Variants in SPIRE1 observed in about 807,000 individuals in gnomAD.
SPIRE1 encodes spire type actin nucleation factor 1, also known as protein spire homolog 1.
SPIRE1 carries 40 observed loss-of-function variants against 94.1 expected under a neutral mutation model. The ratio of observed to expected loss-of-function variants is 0.43; its 90% confidence interval spans 0.33 to 0.55. SPIRE1 has a LOEUF of 0.55. Ranked by LOEUF, SPIRE1 falls within the 20% of genes least tolerant of loss-of-function variation. The pLI is 0.06. For missense variants in SPIRE1, 838 were observed against 975.2 expected (o/e 0.86, Z 1.87); for synonymous variants, 376 against 371.7 (o/e 1.01, Z -0.13).
At chr18:12,533,554 T>C (rs2034750444) in intron 4 of SPIRE1, among the ~76,000 whole-genome samples, 1 of 152,218 alleles carries the variant, frequency 6.6e-6, no homozygotes, top group Non-Finnish European at 1.5e-5. Flanking sequence ...AAATGCTCAC[T>C]GCAGTAGAGT....
intron 4 of SPIRE1, among the ~76,000 whole-genome samples, chr18:12,516,483 GA>G (rs767266134): frequency 9.9e-5 from 15 of 152,140 alleles, no homozygotes; most frequent in Non-Finnish European, 1.8e-4. Context: ...GAAAGGGAGG[GA>G]GCATGCCAGC....
intron 10 of SPIRE1, among the ~76,000 whole-genome samples, chr18:12,475,522 AAG>A (rs1444916229): frequency 1.3e-5 from 2 of 152,216 alleles, no homozygotes; most frequent in East Asian, 1.9e-4. Context: ...GGAAAAAAAA[AAG>A]AAGTTGGTGA....
At chr18:12,588,718 C>A (rs62097124) in intron 2 of SPIRE1, among the ~76,000 whole-genome samples, 84,706 of 151,492 alleles carry the variant, frequency 0.56, 24,821 homozygotes, top group Middle Eastern at 0.76. Context: ...ATTGTCCTTA[C>A]GGGCAAATAT....
At chr18:12,530,377 T>C (rs2034649577) in intron 4 of SPIRE1, among the ~76,000 whole-genome samples, 1 of 152,216 alleles carries the variant, frequency 6.6e-6, no homozygotes, top group Admixed American at 6.5e-5. Flanking sequence ...CCGATTTTTA[T>C]GTTTTTAGAG....
intron 4 of SPIRE1, among the ~76,000 whole-genome samples, chr18:12,528,974 A>G (rs898132695): frequency 1.3e-4 from 20 of 152,224 alleles, no homozygotes; most frequent in African/African-American, 4.8e-4. Flanking sequence ...CAATGAGATT[A>G]TATTCTTGTG....
intron 6 of SPIRE1, among the ~76,000 whole-genome samples, chr18:12,504,322 C>G (rs2033761163): frequency 6.9e-6 from 1 of 145,744 alleles, no homozygotes; most frequent in East Asian, 1.9e-4. Context: ...GCCTGGGCAA[C>G]ATGGTGAAGC....
At chr18:12,617,191 G>A (rs1271631802) in intron 2 of SPIRE1, among the ~76,000 whole-genome samples, 3 of 139,748 alleles carry the variant, frequency 2.1e-5, no homozygotes, top group South Asian at 2.3e-4. Context: ...ATGGGGTCTC[G>A]CTCTGTCGCC....
At chr18:12,458,964 G>A (rs2031660034) in intron 12 of SPIRE1, among the ~76,000 whole-genome samples, 2 of 152,292 alleles carry the variant, frequency 1.3e-5, no homozygotes, top group South Asian at 4.1e-4. Flanking sequence ...CATCTGTCAA[G>A]GACAAGGTTA....
intron 1 of SPIRE1, among the ~76,000 whole-genome samples, chr18:12,646,076 G>T (rs1211042822): frequency 6.6e-6 from 1 of 152,306 alleles, no homozygotes; most frequent in East Asian, 1.9e-4. Context: ...ATATGCTTTT[G>T]GCATGGGGAA....
Position 12,479,781 on chromosome 18 carries a change from C to T in SPIRE1, c.1322G>A (p.Ser441Asn), listed in dbSNP as rs763201855. 4 of 1,614,174 alleles carry T rather than the reference C, an allele frequency of 2.5e-6. No individual in the cohort carries two copies. The highest frequency in any genetic ancestry group is 3.3e-5 in the Admixed American group (2 of 60,010). Residue 441 changes from serine (S) to asparagine (N), a missense_variant, in exon 10 of 17, where the codon AGT becomes AAT. Ser to Asn is a conservative substitution (Grantham distance 46). Coordinates refer to ENST00000409402, the MANE Select transcript of SPIRE1 (RefSeq NM_001128626.2). ...LTSQTKENGL[S>N]TSQQVPAQRK... Reference sequence around the variant, plus strand: ...CTGTGCAGGCACCTGCTGTGAGGTACTTAACCCGTTTTCTTTTGTTTGTGA... The same window carrying T: ...CTGTGCAGGCACCTGCTGTGAGGTATTTAACCCGTTTTCTTTTGTTTGTGA...
upstream of SPIRE1, among the ~76,000 whole-genome samples, chr18:12,660,718 G>A (rs2038679836): frequency 6.6e-6 from 1 of 151,740 alleles, no homozygotes; most frequent in East Asian, 1.9e-4. Flanking sequence ...AGACATTACT[G>A]CACTGTATCA....
At chr18:12,641,751 C>T (rs952921338) in intron 1 of SPIRE1, among the ~76,000 whole-genome samples, 11 of 151,478 alleles carry the variant, frequency 7.3e-5, no homozygotes, top group African/African-American at 1.7e-4. Context: ...AGTGAAACTA[C>T]GTATTTATTA....
chr18:12,531,062 CTTTA>C (rs1243785313), intron 4 of SPIRE1, among the ~76,000 whole-genome samples: 1 of 152,154 alleles, frequency 6.6e-6, no homozygotes, highest in African/African-American at 2.4e-5. Flanking sequence ...ACATCTCCCT[CTTTA>C]TTTATTTGTT....
chr18:12,536,106 TAACA>T (rs2034833662), intron 3 of SPIRE1, among the ~76,000 whole-genome samples: 2 of 152,240 alleles, frequency 1.3e-5, no homozygotes, highest in Non-Finnish European at 2.9e-5. Context: ...GTCCACTAAC[TAACA>T]GAGACCCAAC....
intron 3 of SPIRE1, among the ~76,000 whole-genome samples, chr18:12,544,048 G>A (rs1427648031): frequency 6.6e-6 from 1 of 152,146 alleles, no homozygotes; most frequent in East Asian, 1.9e-4. Flanking sequence ...CACAGATGTG[G>A]AGAATTTTAT....
chr18:12,643,984 A>G (rs1187327174), intron 1 of SPIRE1, among the ~76,000 whole-genome samples: 2 of 150,126 alleles, frequency 1.3e-5, no homozygotes, highest in Non-Finnish European at 2.9e-5. Flanking sequence ...ATTTGAGGTC[A>G]GGAGTTTGAG....
At chr18:12,562,235 C>T (rs925740906) in intron 2 of SPIRE1, among the ~76,000 whole-genome samples, 2 of 152,142 alleles carry the variant, frequency 1.3e-5, no homozygotes, top group African/African-American at 4.8e-5. Context: ...CTATGGACCT[C>T]TTTAGTATTC....
At chr18:12,635,741 T>G (rs183907213) in intron 1 of SPIRE1, among the ~76,000 whole-genome samples, 123 of 152,316 alleles carry the variant, frequency 8.1e-4, no homozygotes, top group African/African-American at 2.8e-3. Context: ...TTAATACATT[T>G]CTGTCAATGT....
chr18:12,543,471 T>C lies in SPIRE1; in HGVS notation c.603+3203A>G, dbSNP rs1252556757. Reference sequence around the variant, plus strand: ...TAATTCTAGATTTAATGTTAGAACTTTGAAGATAGCATTCCACTCTGTCTT... The same window carrying C: ...TAATTCTAGATTTAATGTTAGAACTCTGAAGATAGCATTCCACTCTGTCTT... On this transcript the variant is annotated intron_variant, in intron 3 of 16. Coordinates refer to ENST00000409402, the MANE Select transcript of SPIRE1 (RefSeq NM_001128626.2). Among the ~76,000 whole-genome samples the C allele has an allele frequency of 2.6e-5, 4 of 152,180 alleles. No homozygotes were observed. In the South Asian group the frequency reaches 6.2e-4, roughly 24 times the overall value.
Sources: gnomAD v4.1 joint callset for allele counts (sites outside exome capture counted in the v4.1 genomes callset) on GRCh38, gnomAD v4.1.1 for gene constraint, MANE v1.5 for transcripts, NCBI Gene and HGNC (gene_info 2026-07-23, HGNC 2026-07-21) for gene names.